RFX7: variants seen among roughly 807,000 people sequenced by gnomAD.
The protein encoded by RFX7 is regulatory factor X7, also known as DNA-binding protein RFX7.
A neutral mutation model predicts 111.8 loss-of-function variants in RFX7; 26 were observed. That is an observed-to-expected ratio of 0.23 (90% CI 0.17 to 0.32). The LOEUF (loss-of-function observed/expected upper bound fraction) is 0.32. Among genes scored for constraint, RFX7 ranks in the 10% least tolerant of loss-of-function variants. The probability of loss-of-function intolerance (pLI) is 1.00; values close to 1 mark genes in which losing one functional copy is unlikely to be tolerated. For missense variants in RFX7, 1,573 were observed against 1,772.9 expected (o/e 0.89, Z 2.02); for synonymous variants, 624 against 624.4 (o/e 1.00, Z 0.01).
At position 56,096,136 on chromosome 15, in the gene RFX7, C is replaced by A. The variant is rs16976751; in HGVS notation, c.1592G>T (p.Gly531Val). 8.7e-4 allele frequency: 1,412 copies of A among 1,613,720 alleles called. 9 individuals are homozygous for A. The African/African-American group carries it at 0.017, about 19-fold the overall frequency. Reference protein sequence around the residue: ...SPGSRSSSAGGTSAVEVKVEP... With the variant: ...SPGSRSSSAGVTSAVEVKVEP... Reference sequence around the variant, plus strand: ...CACTTTGACTTCCACAGCAGATGTTCCCCCCGCACTGCTGCTCCTGGACCC... The same window carrying A: ...CACTTTGACTTCCACAGCAGATGTTACCCCCGCACTGCTGCTCCTGGACCC... The change falls in exon 10 of 10, where the codon GGA becomes GTA. Residue 531 changes from glycine to valine, a missense_variant. Physicochemically the swap from Gly to Val is moderately radical, Grantham distance 109. Transcript: ENST00000559447.
chr15:56,229,620 T>C (rs2043527341), intron 2 of RFX7, among the ~76,000 whole-genome samples: 1 of 152,168 alleles, frequency 6.6e-6, no homozygotes, highest in Non-Finnish European at 1.5e-5. Flanking sequence ...CCCGGAAGAC[T>C]CGTTAAAACA....
chr15:56,107,080 A>C (rs1299786268), intron 5 of RFX7, among the ~76,000 whole-genome samples: 2 of 152,014 alleles, frequency 1.3e-5, no homozygotes, highest in African/African-American at 4.8e-5. Flanking sequence ...GGCAGATCAC[A>C]AGGTCAGGAG....
chr15:56,194,626 A>C (rs1451593550), intron 2 of RFX7, among the ~76,000 whole-genome samples: 1 of 151,740 alleles, frequency 6.6e-6, no homozygotes, highest in Non-Finnish European at 1.5e-5. Context: ...AAAATTTTTT[A>C]TATTTAAAAA....
chr15:56,205,895 T>C (rs2043246277), intron 2 of RFX7, among the ~76,000 whole-genome samples: 1 of 152,190 alleles, frequency 6.6e-6, no homozygotes, highest in African/African-American at 2.4e-5. Context: ...TCCATTAGGA[T>C]AGCTACTATT....
At chr15:56,196,926 G>A (rs565902222) in intron 2 of RFX7, among the ~76,000 whole-genome samples, 5 of 151,854 alleles carry the variant, frequency 3.3e-5, no homozygotes, top group South Asian at 2.1e-4. Context: ...ACAAATATTC[G>A]CACACACACT....
intron 5 of RFX7, among the ~76,000 whole-genome samples, chr15:56,125,612 T>A (rs1199336807): frequency 8.7e-5 from 2 of 22,986 alleles, no homozygotes; most frequent in Admixed American, 4.7e-4. Context: ...TGTGTGTGAG[T>A]GTGTGTGTGT....
intron 2 of RFX7, among the ~76,000 whole-genome samples, chr15:56,188,359 G>A (rs1331985879): frequency 6.6e-6 from 1 of 152,092 alleles, no homozygotes; most frequent in East Asian, 1.9e-4. Context: ...GAGAGATAAT[G>A]AGACAGAAAA....
chr15:56,111,687 A>T (rs1208303850), intron 5 of RFX7, among the ~76,000 whole-genome samples: 2 of 151,770 alleles, frequency 1.3e-5, no homozygotes, highest in Non-Finnish European at 2.9e-5. Flanking sequence ...AAAACCAAAA[A>T]AACAATACCA....
At chr15:56,099,417 C>T (rs896946528) in intron 8 of RFX7, among the ~76,000 whole-genome samples, 1 of 152,142 alleles carries the variant, frequency 6.6e-6, no homozygotes, top group Admixed American at 6.5e-5. Context: ...AATTTTTCAT[C>T]TCAAATCCAG....
intron 3 of RFX7, among the ~76,000 whole-genome samples, chr15:56,156,814 A>G (rs1485031939): frequency 6.6e-6 from 1 of 152,202 alleles, no homozygotes; most frequent in Non-Finnish European, 1.5e-5. Context: ...ATGAGACTGA[A>G]TCTTTTCATA....
At chr15:56,103,868 T>C (rs1229327573) in intron 5 of RFX7, among the ~76,000 whole-genome samples, 198 bp from the exon 6 acceptor site, 1 of 152,214 alleles carries the variant, frequency 6.6e-6, no homozygotes, top group Non-Finnish European at 1.5e-5. Context: ...CCTCAGGGTA[T>C]ATAGTCCTGC....
rs189711822 is a variant in RFX7, at chr15:56,089,170, T to C, written c.*4175A>G. The C allele has an allele frequency of 6.6e-6, 1 of 152,374 alleles. No homozygotes were observed. The highest frequency in any genetic ancestry group is 1.9e-4 in the East Asian group (1 of 5,190). The allele number at this position is 152,374 out of a possible 1,614,324, so 9.4% of individuals were successfully genotyped here. On this transcript the variant is annotated 3_prime_UTR_variant, in exon 10 of 10. Coordinates refer to ENST00000559447, the MANE Select transcript of RFX7 (RefSeq NM_022841.7). ...GGCCTTAGGATGAGCCTTTGTTTAA[T>C]ACAATGAGACTAACAGTGTGTGTGT... is the stretch of plus-strand genomic sequence containing the variant.
chr15:56,106,433 CA>C (rs1403245347), intron 5 of RFX7, among the ~76,000 whole-genome samples: 2 of 152,114 alleles, frequency 1.3e-5, no homozygotes, highest in Non-Finnish European at 2.9e-5. Flanking sequence ...TCATTTCAAA[CA>C]GAAAATAAAG....
chr15:56,116,116 A>C (rs1210624184), intron 5 of RFX7, among the ~76,000 whole-genome samples: 4 of 152,108 alleles, frequency 2.6e-5, no homozygotes, highest in Non-Finnish European at 5.9e-5. Context: ...ATTATACTAC[A>C]CTTAGTTATT....
intron 5 of RFX7, among the ~76,000 whole-genome samples, chr15:56,131,715 A>C (rs1595950277): frequency 6.6e-6 from 1 of 152,232 alleles, no homozygotes; most frequent in Admixed American, 6.5e-5. Flanking sequence ...TAAGTGATAC[A>C]TACTTAACAT....
intron 2 of RFX7, among the ~76,000 whole-genome samples, chr15:56,200,829 G>C (rs2043186607): frequency 6.6e-6 from 1 of 151,806 alleles, no homozygotes; most frequent in Non-Finnish European, 1.5e-5. Flanking sequence ...TCAGAGATAA[G>C]GCAGATCTTT....
In RFX7 at chr15:56,096,172, A is replaced by G. The variant is rs367696945; in HGVS notation, c.1556T>C (p.Leu519Pro). Residue 519 changes from leucine (L) to proline (P), a missense_variant, in exon 10 of 10, where the codon CTT becomes CCT. By Grantham distance (98) the Leu-to-Pro change is moderately conservative. Coordinates refer to ENST00000559447, the MANE Select transcript of RFX7 (RefSeq NM_022841.7). The stretch of plus-strand genomic sequence containing the variant: ...GCTGCTCCTGGACCCAGGAGACTGA[A>G]GCGACACGACAGAACCATTCTTGAT... Reference protein sequence around the residue: ...PQIKNGSVVSLQSPGSRSSSA... With the variant: ...PQIKNGSVVSPQSPGSRSSSA... The G allele has an allele frequency of 6.2e-7, 1 of 1,613,782 alleles. No homozygotes were observed. Among genetic ancestry groups the G allele is most frequent in the Non-Finnish European group, 8.5e-7 (1 of 1,179,880 alleles).
In RFX7 at chr15:56,095,964, A is replaced by G; in HGVS notation, c.1764T>C (p.Ile588=). Residue 588 remains isoleucine, a synonymous_variant, in exon 10 of 10, where the codon ATT becomes ATC. Transcript: ENST00000559447. ...CACAGACCTTAGTTGCTTTTATTTC[A>G]ATGACACCTTCATTTGAAGGTTTCT... ...ALQKPSNEGV[I]EIKATKVCDQ... The G allele has an allele frequency of 6.2e-7, 1 of 1,609,740 alleles. No homozygotes were observed. Among genetic ancestry groups the G allele is most frequent in the South Asian group, 1.1e-5 (1 of 90,996 alleles).
intron 3 of RFX7, among the ~76,000 whole-genome samples, chr15:56,168,331 A>G (rs1382015914): frequency 6.6e-6 from 1 of 152,250 alleles, no homozygotes; most frequent in Admixed American, 6.5e-5. Flanking sequence ...GTGCATATTT[A>G]CTTACTTTTT....
Sources: allele counts gnomAD v4.1 joint callset (sites outside exome capture counted in the v4.1 genomes callset), GRCh38; gene constraint gnomAD v4.1.1; transcripts MANE v1.5; gene names NCBI Gene and HGNC (gene_info 2026-07-23, HGNC 2026-07-21).